PRP4K: variants seen among roughly 807,000 people sequenced by gnomAD.
PRP4K encodes pre-mRNA processing factor kinase PRP4K.
the PRP4K span, among the ~76,000 whole-genome samples, chr6:4,039,428 G>A: frequency 6.6e-6 from 1 of 152,074 alleles, no homozygotes; most frequent in Non-Finnish European, 1.5e-5. Context: ...TCTATCTTTG[G>A]TATGTGCCTC....
At chr6:4,028,847 C>G in the PRP4K span, among the ~76,000 whole-genome samples, 2 of 152,010 alleles carry the variant, frequency 1.3e-5, no homozygotes, top group Admixed American at 1.3e-4. Context: ...CTCCCCCACC[C>G]CTTCTCCCAG....
the PRP4K span, among the ~76,000 whole-genome samples, chr6:4,022,951 A>AT: frequency 6.6e-6 from 1 of 152,204 alleles, no homozygotes; most frequent in Non-Finnish European, 1.5e-5. Flanking sequence ...GTTTATTCAC[A>AT]TACTGTATTC....
chr6:4,057,299 G>A, the PRP4K span: 32 of 1,075,112 alleles, frequency 3.0e-5, no homozygotes, highest in African/African-American at 1.5e-4. Flanking sequence ...AGAAAGGTGG[G>A]TAGATGGCTA....
the PRP4K span, chr6:4,058,916 A>G: frequency 2.0e-5 from 18 of 903,426 alleles, no homozygotes. Context: ...CCCAAAAGTA[A>G]GTATTTCCTT....
the PRP4K span, among the ~76,000 whole-genome samples, chr6:4,047,789 C>T: frequency 6.6e-6 from 1 of 151,652 alleles, no homozygotes; most frequent in African/African-American, 2.4e-5. Flanking sequence ...GGGACATTTT[C>T]AATATAAATT....
the PRP4K span, among the ~76,000 whole-genome samples, chr6:4,035,125 T>C: frequency 1.3e-5 from 2 of 151,404 alleles, no homozygotes; most frequent in Non-Finnish European, 2.9e-5. Context: ...TTGTTTTGTT[T>C]TGTTTTTTTG....
At chr6:4,042,664 G>GA in the PRP4K span, 1 of 847,088 alleles carries the variant, frequency 1.2e-6, no homozygotes. Flanking sequence ...CAGGTCCTTA[G>GA]AAAAGGATAG....
the PRP4K span, chr6:4,058,789 T>C: frequency 2.5e-6 from 4 of 1,612,076 alleles, no homozygotes; most frequent in African/African-American, 1.3e-5. Context: ...TTCATGTACA[T>C]AGAAGTTGAT....
chr6:4,028,595 T>C, the PRP4K span, among the ~76,000 whole-genome samples: 1 of 152,212 alleles, frequency 6.6e-6, no homozygotes, highest in Non-Finnish European at 1.5e-5. Flanking sequence ...GTATTTGTCA[T>C]GTGTCTTCTC....
chr6:4,049,501 T>A, the PRP4K span: 3 of 508,212 alleles, frequency 5.9e-6, no homozygotes, highest in Non-Finnish European at 1.0e-5. Flanking sequence ...GTTAAAATCA[T>A]CAGCAGTTGA....
At chr6:4,034,058 T>C in the PRP4K span, among the ~76,000 whole-genome samples, 1 of 152,308 alleles carries the variant, frequency 6.6e-6, no homozygotes, top group East Asian at 1.9e-4. Context: ...CAAATAAGCC[T>C]GTAAATTGTC....
chr6:4,030,384 A>G, the PRP4K span, among the ~76,000 whole-genome samples: 1 of 152,212 alleles, frequency 6.6e-6, no homozygotes, highest in East Asian at 1.9e-4. Flanking sequence ...AGTATATAAT[A>G]TGAAGACCTG....
chr6:4,028,696 C>T, the PRP4K span, among the ~76,000 whole-genome samples: 1 of 152,184 alleles, frequency 6.6e-6, no homozygotes, highest in Non-Finnish European at 1.5e-5. Context: ...ATACCTTTTC[C>T]TGCCAGAAAT....
the PRP4K span, chr6:4,032,722 G>A: frequency 1.6e-5 from 26 of 1,584,968 alleles, no homozygotes; most frequent in South Asian, 2.4e-5. Flanking sequence ...AGAAAACGAC[G>A]AGAACCAGAG....
the PRP4K span, among the ~76,000 whole-genome samples, chr6:4,058,062 G>A: frequency 4.6e-5 from 7 of 152,256 alleles, no homozygotes; most frequent in Middle Eastern, 3.4e-3. Context: ...GTCCCAGACT[G>A]GAGTACAGTT....
the PRP4K span, among the ~76,000 whole-genome samples, chr6:4,054,879 G>A: frequency 5.3e-5 from 8 of 152,198 alleles, no homozygotes; most frequent in South Asian, 4.1e-4. Flanking sequence ...TACAGTGAGC[G>A]TCTTTGTGAC....
chr6:4,038,742 G>C, the PRP4K span, among the ~76,000 whole-genome samples: 1 of 151,908 alleles, frequency 6.6e-6, no homozygotes, highest in South Asian at 2.1e-4. Flanking sequence ...TAGTCTTCTT[G>C]CTCCAAGCTG....
the PRP4K span, chr6:4,057,095 G>A: frequency 1.2e-6 from 2 of 1,611,020 alleles, no homozygotes; most frequent in Non-Finnish European, 1.7e-6. Context: ...CACCTTATAC[G>A]AACTCTATAC....
At chr6:4,060,167 T>G in the PRP4K span, among the ~76,000 whole-genome samples, 1 of 152,144 alleles carries the variant, frequency 6.6e-6, no homozygotes, top group African/African-American at 2.4e-5. This position sits in a 1 kb window ranked among gnomAD's most constrained non-coding sequence, Gnocchi z 4.7. Flanking sequence ...GTAGGCACTT[T>G]TGCAAGTGGT....
Sources: gnomAD v4.1 joint callset for allele counts (sites outside exome capture counted in the v4.1 genomes callset) on GRCh38, gnomAD v4.1.1 for gene constraint, Gnocchi (gnomAD v3.1) non-coding constraint, MANE v1.5 for transcripts, NCBI Gene and HGNC (gene_info 2026-07-23, HGNC 2026-07-21) for gene names.